The following ZBTB20 variants were observed in gnomAD, a reference collection of about 807,000 sequenced individuals.
ZBTB20 encodes the protein zinc finger and BTB domain-containing protein 20.
ZBTB20 carries 9 observed loss-of-function variants against 56.9 expected under a neutral mutation model. The ratio of observed to expected loss-of-function variants is 0.16; its 90% CI spans 0.10 to 0.28. The LOEUF (loss-of-function observed/expected upper bound fraction) is 0.28. ZBTB20 is among the 10% of genes least tolerant of loss of function. The probability of loss-of-function intolerance (pLI) is 1.00; values close to 1 mark genes in which losing one functional copy is unlikely to be tolerated. For synonymous variants in ZBTB20, 417 were observed against 420.7 expected, an observed-to-expected ratio of 0.99 and a Z score of 0.11; for missense variants, 655 against 1,003.0, an observed-to-expected ratio of 0.65 and a Z score of 4.69.
At chr3:114,656,984 T>G (rs1369529194) in intron 6 of ZBTB20, among the ~76,000 whole-genome samples, 1 of 152,234 alleles carries the variant, frequency 6.6e-6, no homozygotes, top group Admixed American at 6.5e-5. Flanking sequence ...ATTTATAATT[T>G]CTGCTTTAAA....
intron 3 of ZBTB20, among the ~76,000 whole-genome samples, chr3:114,958,289 AT>A (rs2077318174): frequency 6.6e-6 from 1 of 152,202 alleles, no homozygotes; most frequent in Non-Finnish European, 1.5e-5. Context: ...ATTTTGTAAT[AT>A]TTTTTCTTAC....
rs115135351 is a variant in ZBTB20 at position 114,807,397 on chromosome 3, G to T, written c.-416-6223C>A. ...ATGCCACTGATTGTTTCTTTCTGCT[G>T]GTCTGTCTAACCCTTCTCTTTCCCT... On this transcript the variant is annotated intron_variant, in intron 4 of 11. Coordinates refer to ENST00000675478, the MANE Select transcript of ZBTB20 (RefSeq NM_001348800.3). Among the ~76,000 whole-genome samples the T allele has an allele frequency of 2.6e-3, 389 of 151,484 alleles. 1 individual carries two copies. Among genetic ancestry groups the T allele is most frequent in the African/African-American group, 9.0e-3 (373 of 41,360 alleles).
At chr3:114,422,263 C>T (rs1291520300) in intron 7 of ZBTB20, among the ~76,000 whole-genome samples, 1 of 152,156 alleles carries the variant, frequency 6.6e-6, no homozygotes, top group East Asian at 1.9e-4. Flanking sequence ...TCAAAGCTCA[C>T]CTAGAAGCCA....
chr3:114,583,296 G>T (rs1475919212), intron 6 of ZBTB20, among the ~76,000 whole-genome samples: 1 of 152,002 alleles, frequency 6.6e-6, no homozygotes, highest in African/African-American at 2.4e-5. Context: ...GAAACAAAAA[G>T]GAAACCCTCA....
At chr3:114,651,459 C>T (rs12054204) in intron 6 of ZBTB20, among the ~76,000 whole-genome samples, 11,782 of 148,010 alleles carry the variant, frequency 0.08, 949 homozygotes, top group African/African-American at 0.17. Context: ...TTATTTTCAG[C>T]TTTGAATATT....
intron 5 of ZBTB20, among the ~76,000 whole-genome samples, chr3:114,697,889 T>C (rs2063142535): frequency 6.6e-6 from 1 of 152,146 alleles, no homozygotes; most frequent in African/African-American, 2.4e-5. Flanking sequence ...CTTTTGGTTA[T>C]TGTTCAGCTC....
rs560635054 is a variant in ZBTB20 at position 115,098,439 on chromosome 3, T to C, written c.-702-27025A>G. ...GAAATGGCATAAAGTATATATAAAA[T>C]TGTATATGAAAAACAAAATTATCGT... On this transcript the variant is annotated intron_variant, in intron 1 of 11. Coordinates refer to ENST00000675478, the MANE Select transcript of ZBTB20 (RefSeq NM_001348800.3). 3.3e-5 allele frequency among the ~76,000 whole-genome samples: 5 copies of C among 152,262 alleles called. No individual in the cohort carries two copies. The South Asian group carries it at 1.0e-3, about 32-fold the overall frequency.
chr3:114,837,369 AC>A (rs1489395220), intron 4 of ZBTB20, among the ~76,000 whole-genome samples: 1 of 152,112 alleles, frequency 6.6e-6, no homozygotes. Context: ...ATAACAACTT[AC>A]CCCCAAACTT....
intron 6 of ZBTB20, among the ~76,000 whole-genome samples, chr3:114,587,954 G>C (rs2055351350): frequency 6.6e-6 from 1 of 152,154 alleles, no homozygotes; most frequent in African/African-American, 2.4e-5. Flanking sequence ...ATGCACTGGG[G>C]AAGAGGTAAG....
chr3:115,095,043 T>C (rs559181617), intron 1 of ZBTB20, among the ~76,000 whole-genome samples: 3 of 152,210 alleles, frequency 2.0e-5, no homozygotes, highest in African/African-American at 7.2e-5. Context: ...TTTAAATGCA[T>C]AATATGAACA....
chr3:115,106,297 G>T (rs368033116), intron 1 of ZBTB20, among the ~76,000 whole-genome samples: 1 of 143,442 alleles, frequency 7.0e-6, no homozygotes, highest in Non-Finnish European at 1.5e-5. Flanking sequence ...GCAGTGGCCC[G>T]ATCTTAGCTC....
chr3:114,727,711 T>C (rs2065413724), intron 5 of ZBTB20, among the ~76,000 whole-genome samples: 1 of 152,326 alleles, frequency 6.6e-6, no homozygotes, highest in East Asian at 1.9e-4. Context: ...TAGAAATCTT[T>C]GTGAAAAAAG....
At chr3:114,913,098 T>C (rs1041997546) in intron 3 of ZBTB20, among the ~76,000 whole-genome samples, 41 of 152,018 alleles carry the variant, frequency 2.7e-4, no homozygotes, top group Admixed American at 6.6e-5. Flanking sequence ...GGTATATACC[T>C]AGCAGTCAGA....
chr3:114,614,675 A>G (rs554144876), intron 6 of ZBTB20, among the ~76,000 whole-genome samples: 79 of 152,332 alleles, frequency 5.2e-4, no homozygotes, highest in Admixed American at 3.9e-3. Context: ...CAAATAAAAC[A>G]TAAGTAGCAT....
chr3:114,639,592 A>G (rs1020448429), intron 6 of ZBTB20, among the ~76,000 whole-genome samples: 1 of 151,946 alleles, frequency 6.6e-6, no homozygotes, highest in African/African-American at 2.4e-5. Context: ...ACATTTTTTT[A>G]GGAACAAATC....
At chr3:114,640,565 C>G (rs2059504734) in intron 6 of ZBTB20, among the ~76,000 whole-genome samples, 1 of 152,024 alleles carries the variant, frequency 6.6e-6, no homozygotes, top group African/African-American at 2.4e-5. Context: ...AGGAGAGTTT[C>G]CAGTTTCAGT....
intron 5 of ZBTB20, among the ~76,000 whole-genome samples, chr3:114,761,638 C>T (rs564735996): frequency 1.3e-5 from 2 of 152,012 alleles, no homozygotes; most frequent in East Asian, 3.9e-4. Context: ...AGTTCGAGAC[C>T]AGCCTGGCCA....
intron 1 of ZBTB20, among the ~76,000 whole-genome samples, chr3:115,126,355 G>A (rs1190454459): frequency 2.6e-5 from 4 of 152,080 alleles, no homozygotes; most frequent in Non-Finnish European, 4.4e-5. Context: ...TCCAATCTCA[G>A]AATATACCTA....
chr3:115,039,347 T>C (rs1224533755), intron 2 of ZBTB20, among the ~76,000 whole-genome samples: 1 of 152,070 alleles, frequency 6.6e-6, no homozygotes, highest in Non-Finnish European at 1.5e-5. Context: ...AGAAAACGTT[T>C]CAAATGTTTG....
Sources: allele counts gnomAD v4.1 joint callset (sites outside exome capture counted in the v4.1 genomes callset), GRCh38; gene constraint gnomAD v4.1.1; transcripts MANE v1.5; gene names NCBI Gene and HGNC (gene_info 2026-07-23, HGNC 2026-07-21).